TSC22D1: variants seen among roughly 807,000 people sequenced by gnomAD.
The protein encoded by TSC22D1 is TSC22 domain family member 1, also known as TSC22 domain family protein 1.
TSC22D1 carries 9 observed loss-of-function variants against 74.2 expected under a neutral mutation model. The ratio of observed to expected loss-of-function variants is 0.12; its 90% CI spans 0.07 to 0.21. The LOEUF is 0.21. Among genes scored for constraint, TSC22D1 ranks in the 10% least tolerant of loss-of-function variants. The probability of loss-of-function intolerance (pLI) is 1.00; values close to 1 mark genes in which losing one functional copy is unlikely to be tolerated. For missense variants in TSC22D1, 1,427 were observed against 1,304.7 expected, an observed-to-expected ratio of 1.09 and a Z score of -1.44; for synonymous variants, 586 against 492.5, an observed-to-expected ratio of 1.19 and a Z score of -2.51.
intron 1 of TSC22D1, among the ~76,000 whole-genome samples, chr13:44,540,620 T>G (rs1881412534): frequency 6.6e-6 from 1 of 152,190 alleles, no homozygotes; most frequent in South Asian, 2.1e-4. Context: ...AATCATTTTC[T>G]TTTGGGTCAA....
intron 1 of TSC22D1, among the ~76,000 whole-genome samples, chr13:44,438,005 C>T: frequency 6.6e-6 from 1 of 152,132 alleles, no homozygotes; most frequent in East Asian, 1.9e-4. Flanking sequence ...ATAGCTTAAC[C>T]CTTTCAAAAT....
intron 1 of TSC22D1, among the ~76,000 whole-genome samples, chr13:44,526,242 T>C (rs566793870): frequency 6.6e-6 from 1 of 152,184 alleles, no homozygotes; most frequent in South Asian, 2.1e-4. Context: ...AGGCCAACAA[T>C]TGCAAATAAC....
chr13:44,457,772 A>C (rs571657380), intron 1 of TSC22D1, among the ~76,000 whole-genome samples: 39 of 152,322 alleles, frequency 2.6e-4, no homozygotes, highest in Admixed American at 2.5e-3. Context: ...AGTAGTTTCA[A>C]AAATCTCTAT....
intron 1 of TSC22D1, among the ~76,000 whole-genome samples, chr13:44,481,361 T>A (rs1878169201): frequency 6.6e-6 from 1 of 152,038 alleles, no homozygotes; most frequent in African/African-American, 2.4e-5. Flanking sequence ...GACAGGTAAC[T>A]GGTGAGGGGT....
At chr13:44,498,521 T>C (rs576083525) in intron 1 of TSC22D1, among the ~76,000 whole-genome samples, 30 of 152,302 alleles carry the variant, frequency 2.0e-4, no homozygotes, top group South Asian at 1.2e-3. Flanking sequence ...ATGGTTGGTA[T>C]ACAGTTATAC....
intron 1 of TSC22D1, among the ~76,000 whole-genome samples, chr13:44,498,920 T>G (rs1188055263): frequency 6.6e-6 from 1 of 152,036 alleles, no homozygotes; most frequent in Non-Finnish European, 1.5e-5. Context: ...TCCTTCTTAT[T>G]AAAAAAACTG....
chr13:44,467,525 A>C (rs1271796188), intron 1 of TSC22D1, among the ~76,000 whole-genome samples: 12 of 152,232 alleles, frequency 7.9e-5, no homozygotes, highest in Admixed American at 7.9e-4. Context: ...CATAATCTAC[A>C]AGGAACTCAA....
intron 1 of TSC22D1, chr13:44,539,319 GGAA>G (rs1272429053): frequency 8.1e-6 from 8 of 985,178 alleles, no homozygotes; most frequent in Non-Finnish European, 9.6e-6. Flanking sequence ...ATTTGAGGTA[GGAA>G]GAAGACCAAA....
intron 1 of TSC22D1, among the ~76,000 whole-genome samples, chr13:44,526,501 T>C (rs935154528): frequency 6.6e-6 from 1 of 151,556 alleles, no homozygotes; most frequent in Non-Finnish European, 1.5e-5. Context: ...GAATAGAATA[T>C]CCTAAGACTG....
intron 1 of TSC22D1, among the ~76,000 whole-genome samples, chr13:44,553,261 G>C (rs942844471): frequency 6.6e-6 from 1 of 151,820 alleles, no homozygotes; most frequent in Non-Finnish European, 1.5e-5. Flanking sequence ...AAAATGTATC[G>C]GTCTTCAATA....
At chr13:44,443,892 A>G (rs897256743) in intron 1 of TSC22D1, among the ~76,000 whole-genome samples, 11 of 152,246 alleles carry the variant, frequency 7.2e-5, no homozygotes, top group African/African-American at 2.7e-4. Flanking sequence ...ATGGAATCAT[A>G]GGAAAATGTA....
intron 1 of TSC22D1, among the ~76,000 whole-genome samples, chr13:44,502,790 A>G (rs1448629627): frequency 6.6e-6 from 1 of 152,192 alleles, no homozygotes; most frequent in African/African-American, 2.4e-5. Context: ...GCTAGCTTCA[A>G]AATCTAACCA....
intron 1 of TSC22D1, among the ~76,000 whole-genome samples, chr13:44,481,988 A>G (rs903802964): frequency 1.3e-5 from 2 of 152,200 alleles, no homozygotes; most frequent in African/African-American, 2.4e-5. Flanking sequence ...ACTTCTTAAG[A>G]TGTCACAATT....
chr13:44,575,261 T>C lies in TSC22D1; in HGVS notation c.814A>G (p.Thr272Ala), dbSNP rs1884131859. 2 of 1,613,960 alleles carry C rather than the reference T, an allele frequency of 1.2e-6. No homozygotes were observed. The highest frequency in any genetic ancestry group is 2.2e-5 in the East Asian group (1 of 44,900). ...LSTTGSSDSI[T>A]PVAPTSAVSS... Reference sequence around the variant, plus strand: ...ACAGCAGAAGTTGGTGCAACTGGTGTGATACTGTCAGAGCTTCCAGTTGTA... The same window carrying C: ...ACAGCAGAAGTTGGTGCAACTGGTGCGATACTGTCAGAGCTTCCAGTTGTA... The change falls in exon 1 of 3, where the codon ACA becomes GCA. Residue 272 changes from threonine (T) to alanine (A), a missense_variant. Physicochemically the swap from Thr to Ala is moderately conservative, Grantham distance 58. Coordinates refer to ENST00000458659, the MANE Select transcript of TSC22D1 (RefSeq NM_183422.4).
At chr13:44,484,541 T>C (rs1878338074) in intron 1 of TSC22D1, among the ~76,000 whole-genome samples, 1 of 152,212 alleles carries the variant, frequency 6.6e-6, no homozygotes, top group South Asian at 2.1e-4. Flanking sequence ...TGTGTATTAT[T>C]ATCATGTTAG....
At chr13:44,538,421 CA>C (rs1215438519) in intron 1 of TSC22D1, 4 of 984,310 alleles carry the variant, frequency 4.1e-6, no homozygotes, top group Admixed American at 6.2e-5. Flanking sequence ...TGTCAGGCAA[CA>C]AAAAAAACCA....
At chr13:44,451,117 AC>A (rs1876094768) in intron 1 of TSC22D1, among the ~76,000 whole-genome samples, 1 of 152,210 alleles carries the variant, frequency 6.6e-6, no homozygotes, top group African/African-American at 2.4e-5. Flanking sequence ...AATGCCAGGC[AC>A]CCTAAGGTGC....
chr13:44,437,229 G>C, intron 1 of TSC22D1: 2 of 985,520 alleles, frequency 2.0e-6, no homozygotes, highest in African/African-American at 1.7e-5. Flanking sequence ...GCTGCTTAAC[G>C]GCGAAAGCTT....
intron 1 of TSC22D1, among the ~76,000 whole-genome samples, chr13:44,496,980 T>C (rs1826667409): frequency 6.6e-6 from 1 of 152,088 alleles, no homozygotes; most frequent in Non-Finnish European, 1.5e-5. Flanking sequence ...TAAAGTGGTA[T>C]AGCTGCTGTG....
Sources: allele counts gnomAD v4.1 joint callset (sites outside exome capture counted in the v4.1 genomes callset), GRCh38; gene constraint gnomAD v4.1.1; transcripts MANE v1.5; gene names NCBI Gene and HGNC (gene_info 2026-07-23, HGNC 2026-07-21).